TMC1: variants seen among roughly 807,000 people sequenced by gnomAD.
The protein encoded by TMC1 is transmembrane channel-like protein 1.
A neutral mutation model predicts 105.8 loss-of-function variants in TMC1; 84 were observed. The observed-to-expected ratio is 0.79, with a 90% CI of 0.67 to 0.95. The LOEUF is 0.95. Ranked by LOEUF, TMC1 falls within the 40% of genes least tolerant of loss-of-function variation. The pLI, the probability that TMC1 is intolerant of heterozygous loss-of-function variation, is 0.00. For synonymous variants in TMC1, 315 were observed against 311.5 expected (o/e 1.01, Z -0.12); for missense variants, 817 against 914.1 (o/e 0.89, Z 1.37).
Position 72,740,137 on chromosome 9 carries a change from G to A in TMC1, c.381G>A (p.Val127=), listed in dbSNP as rs1479826079. 1 of 1,613,588 alleles carries A rather than the reference G, an allele frequency of 6.2e-7. No homozygotes were observed. Among genetic ancestry groups the A allele is most frequent in the Non-Finnish European group, 8.5e-7 (1 of 1,179,690 alleles). The change falls in exon 9 of 24, where the codon GTG becomes GTA. Residue 127 remains valine (V), a synonymous_variant. Transcript: ENST00000297784. Reference sequence around the variant, plus strand: ...TTCTCAGGGAGGCAAAAAAATTTGTGAGTGAAAATGAAGGGGCTCTTGGGA... The same window carrying A: ...TTCTCAGGGAGGCAAAAAAATTTGTAAGTGAAAATGAAGGGGCTCTTGGGA... ...IEVLKEAKKF[V]SENEGALGKG... is the part of the protein sequence containing the mutation.
intron 1 of TMC1, among the ~76,000 whole-genome samples, chr9:72,525,644 A>G (rs1334327097): frequency 6.6e-6 from 1 of 152,174 alleles, no homozygotes; most frequent in Non-Finnish European, 1.5e-5. Context: ...ACTGAAAGAA[A>G]GGGAAACAGT....
At chr9:72,624,738 G>A (rs879755512) in intron 3 of TMC1, among the ~76,000 whole-genome samples, 12 of 152,144 alleles carry the variant, frequency 7.9e-5, no homozygotes, top group Non-Finnish European at 7.4e-5. Context: ...GAGCTTCTGT[G>A]GAACAGATTC....
intron 8 of TMC1, among the ~76,000 whole-genome samples, chr9:72,715,671 CAAGGTTCTTA>C (rs1826904694): frequency 6.6e-6 from 1 of 152,006 alleles, no homozygotes; most frequent in South Asian, 2.1e-4. Context: ...AACCTTTTTT[CAAGGTTCTTA>C]GCTTCTTTTC....
intron 18 of TMC1, among the ~76,000 whole-genome samples, chr9:72,810,581 T>A (rs915098437): frequency 6.6e-6 from 1 of 152,186 alleles, no homozygotes; most frequent in Non-Finnish European, 1.5e-5. Flanking sequence ...TTTTTATAAA[T>A]ATACACATAT....
At chr9:72,652,681 C>T (rs1295619163) in intron 5 of TMC1, among the ~76,000 whole-genome samples, 1 of 152,184 alleles carries the variant, frequency 6.6e-6, no homozygotes, top group Non-Finnish European at 1.5e-5. Context: ...ATTGAGAGCT[C>T]TCTCTGTCTT....
intron 12 of TMC1, among the ~76,000 whole-genome samples, chr9:72,769,505 C>T (rs1428014648): frequency 6.6e-6 from 1 of 152,154 alleles, no homozygotes; most frequent in East Asian, 1.9e-4. Flanking sequence ...AAGAGATGTC[C>T]GCATGTCTCC....
At chr9:72,814,528 G>T (rs1431090963) in intron 18 of TMC1, among the ~76,000 whole-genome samples, 1 of 152,162 alleles carries the variant, frequency 6.6e-6, no homozygotes, top group East Asian at 1.9e-4. Flanking sequence ...AGTATCTAGA[G>T]TGATACTGCA....
Position 72,826,905 on chromosome 9 carries a change from C to A in TMC1, c.2040C>A (p.Thr680=). 1 of 1,614,014 alleles carries A rather than the reference C, an allele frequency of 6.2e-7. No homozygotes were observed. The highest frequency in any genetic ancestry group is 2.2e-5 in the East Asian group (1 of 44,880). The change falls in exon 21 of 24, where the codon ACC becomes ACA. Residue 680 remains threonine, a synonymous_variant. Transcript: ENST00000297784. ...GAATGTTTGAAGTCATTGGAGAGAC[C>A]CTGGAGCACGATTTCCCAAGCTGGA... The part of the protein sequence containing the change: ...KNRMFEVIGE[T]LEHDFPSWMA...
intron 13 of TMC1, among the ~76,000 whole-genome samples, chr9:72,775,550 A>C (rs955695062): frequency 6.6e-5 from 10 of 152,230 alleles, no homozygotes; most frequent in Non-Finnish European, 1.0e-4. Context: ...CAGCTAAACT[A>C]CTGGAAGCAG....
intron 1 of TMC1, among the ~76,000 whole-genome samples, chr9:72,576,402 C>A (rs989476913): frequency 1.6e-4 from 24 of 151,948 alleles, no homozygotes; most frequent in Admixed American, 1.4e-3. Flanking sequence ...TCCTTTCTGA[C>A]CCTCTTTTCT....
intron 2 of TMC1, among the ~76,000 whole-genome samples, chr9:72,609,929 C>T (rs1275020586): frequency 1.3e-5 from 2 of 152,132 alleles, no homozygotes; most frequent in Non-Finnish European, 1.5e-5. Context: ...ACCAATCCCA[C>T]CTTTATGCTC....
chr9:72,623,472 T>A (rs1226075037), intron 3 of TMC1, among the ~76,000 whole-genome samples: 1 of 152,040 alleles, frequency 6.6e-6, no homozygotes, highest in Admixed American at 6.5e-5. Flanking sequence ...TCCAGGTCAG[T>A]GGGGACATTA....
intron 5 of TMC1, among the ~76,000 whole-genome samples, chr9:72,649,898 A>C (rs1825772670): frequency 6.6e-6 from 1 of 152,186 alleles, no homozygotes; most frequent in Non-Finnish European, 1.5e-5. Context: ...ACTTGTAATA[A>C]ATCTGCTCAG....
chr9:72,804,362 G>A (rs1261567791), intron 17 of TMC1, among the ~76,000 whole-genome samples: 1 of 152,034 alleles, frequency 6.6e-6, no homozygotes, highest in Admixed American at 6.6e-5. Context: ...AACTGCACGT[G>A]TACCCCAGAA....
intron 4 of TMC1, among the ~76,000 whole-genome samples, chr9:72,636,057 G>A (rs1206191876): frequency 2.6e-5 from 4 of 152,108 alleles, no homozygotes; most frequent in African/African-American, 9.7e-5. Flanking sequence ...CATTCTTTTT[G>A]TGATATTTAG....
intron 9 of TMC1, 97 bp downstream of exon 9, chr9:72,740,306 T>C: frequency 1.9e-6 from 2 of 1,027,450 alleles, no homozygotes; most frequent in South Asian, 1.3e-5. Context: ...ACATTTTGTA[T>C]ATATAAAACA....
chr9:72,581,810 T>C (rs1456924906), intron 2 of TMC1, among the ~76,000 whole-genome samples: 1 of 152,218 alleles, frequency 6.6e-6, no homozygotes, highest in African/African-American at 2.4e-5. Flanking sequence ...CATTTTACAT[T>C]CTCATGCTCC....
intron 4 of TMC1, among the ~76,000 whole-genome samples, chr9:72,632,284 A>G (rs975348284): frequency 3.9e-5 from 6 of 152,222 alleles, no homozygotes; most frequent in African/African-American, 1.2e-4. Context: ...TCATGAGGAC[A>G]GCATCAAGAC....
intron 1 of TMC1, among the ~76,000 whole-genome samples, chr9:72,573,996 T>C (rs1380111911): frequency 6.6e-6 from 1 of 152,200 alleles, no homozygotes; most frequent in African/African-American, 2.4e-5. Flanking sequence ...TTTGTGTTCA[T>C]AAGTTCTCAT....
Sources: gnomAD v4.1 joint callset for allele counts (sites outside exome capture counted in the v4.1 genomes callset) on GRCh38, gnomAD v4.1.1 for gene constraint, MANE v1.5 for transcripts, NCBI Gene and HGNC (gene_info 2026-07-23, HGNC 2026-07-21) for gene names.